Variants in GALNT14 observed in about 807,000 individuals in gnomAD.
The protein encoded by GALNT14 is polypeptide N-acetylgalactosaminyltransferase 14.
In GALNT14, 60 loss-of-function variants were observed where a neutral mutation model predicts 77.5. The ratio of observed to expected loss-of-function variants is 0.77; its 90% CI spans 0.63 to 0.96. The LOEUF is 0.96. Among genes scored for constraint, GALNT14 ranks in the 40% least tolerant of loss-of-function variants. GALNT14 has a pLI of 0.00. For synonymous variants in GALNT14, 280 were observed against 281.7 expected, an observed-to-expected ratio of 0.99 and a Z score of 0.06; for missense variants, 710 against 731.0, an observed-to-expected ratio of 0.97 and a Z score of 0.33.
At chr2:30,985,191 C>G (rs1175607074) in intron 2 of GALNT14, among the ~76,000 whole-genome samples, 1 of 152,040 alleles carries the variant, frequency 6.6e-6, no homozygotes, top group East Asian at 1.9e-4. Context: ...AATGCAAGGT[C>G]AACGTTAGCA....
intron 1 of GALNT14, among the ~76,000 whole-genome samples, chr2:31,075,917 C>T (rs907963613): frequency 6.6e-6 from 1 of 152,186 alleles, no homozygotes; most frequent in African/African-American, 2.4e-5. Flanking sequence ...AGTCCCAAGT[C>T]CCACAAGAGC....
chr2:31,138,393 T>TGCCTCCGCC lies in GALNT14; in HGVS notation c.-308_-307insGGCGGAGGC, dbSNP rs1553383844. ...ATGTTCCCCACGCCGCCACCGCGGC[T>TGCCTCCGCC]GCCGCCGCCGCCGCCGCCGCCTTGC... On this transcript the variant is annotated 5_prime_UTR_variant, in exon 1 of 15. Transcript: ENST00000349752. The TGCCTCCGCC allele has an allele frequency of 5.9e-6, 2 of 341,144 alleles. No individual in the cohort carries two copies. Among genetic ancestry groups the TGCCTCCGCC allele is most frequent in the Non-Finnish European group, 1.1e-5 (2 of 186,004 alleles). The allele number at this position is 341,144 out of a possible 1,614,324, so 21.1% of individuals were successfully genotyped here.
At position 31,008,190 on chromosome 2, in the gene GALNT14, T is replaced by C. The variant is rs1217493454; in HGVS notation, c.130-15183A>G. On this transcript the variant is annotated intron_variant, in intron 1 of 14. Coordinates refer to ENST00000349752, the MANE Select transcript of GALNT14 (RefSeq NM_024572.4). Reference sequence around the variant, plus strand: ...GCCACAAACTCCTGGGCTCAAACAATCCTCCCGACTCAGCCTCCTGAGTAG... The same window carrying C: ...GCCACAAACTCCTGGGCTCAAACAACCCTCCCGACTCAGCCTCCTGAGTAG... 4.6e-5 allele frequency among the ~76,000 whole-genome samples: 7 copies of C among 152,156 alleles called. No individual in the cohort carries two copies. In the South Asian group the frequency reaches 1.2e-3, roughly 27 times the overall value.
chr2:31,093,820 T>A (rs1195770303), intron 1 of GALNT14, among the ~76,000 whole-genome samples: 3 of 152,242 alleles, frequency 2.0e-5, no homozygotes, highest in Admixed American at 6.5e-5. Flanking sequence ...GAAAAACATT[T>A]GTGAGCATGG....
At chr2:30,916,918 T>C (rs112772912) in intron 13 of GALNT14, among the ~76,000 whole-genome samples, 5 of 151,078 alleles carry the variant, frequency 3.3e-5, no homozygotes, top group African/African-American at 1.2e-4. Context: ...CTCTACCAAA[T>C]ATACAAAAAT....
chr2:30,958,549 G>A, intron 3 of GALNT14, 85 bp from the exon 4 acceptor site: 3 of 1,009,420 alleles, frequency 3.0e-6, no homozygotes, highest in Non-Finnish European at 4.6e-6. Flanking sequence ...AGATACCATT[G>A]CATTTAAGGA....
intron 10 of GALNT14, among the ~76,000 whole-genome samples, chr2:30,931,320 T>G (rs1014520449): frequency 7.3e-5 from 11 of 151,436 alleles, no homozygotes; most frequent in African/African-American, 2.7e-4. Context: ...AGCTATCAGA[T>G]GACAAGAGAT....
downstream of GALNT14, among the ~76,000 whole-genome samples, chr2:30,905,492 G>A (rs562014790): frequency 3.9e-5 from 6 of 152,164 alleles, no homozygotes; most frequent in South Asian, 2.1e-4. Context: ...GAAATGAAGC[G>A]AGACGGCAAG....
chr2:31,117,825 C>G (rs1314552867), intron 1 of GALNT14, among the ~76,000 whole-genome samples: 1 of 152,142 alleles, frequency 6.6e-6, no homozygotes. Flanking sequence ...GTGTTCTGGA[C>G]AATAGGGAAG....
intron 2 of GALNT14, among the ~76,000 whole-genome samples, chr2:30,975,009 G>A (rs897115746): frequency 1.3e-5 from 2 of 152,186 alleles, no homozygotes; most frequent in African/African-American, 4.8e-5. Context: ...AGTAAAAGCT[G>A]AGCAAAGGCC....
intron 1 of GALNT14, among the ~76,000 whole-genome samples, chr2:31,130,727 G>A (rs920222886): frequency 3.8e-5 from 5 of 131,426 alleles, no homozygotes; most frequent in African/African-American, 1.5e-4. Context: ...AATTCCCCAG[G>A]GTACCTCTGT....
intron 1 of GALNT14, among the ~76,000 whole-genome samples, chr2:31,111,629 T>C (rs1385376790): frequency 2.0e-5 from 3 of 152,210 alleles, no homozygotes; most frequent in Non-Finnish European, 2.9e-5. Flanking sequence ...CCCACCCTTA[T>C]AGGGAGTCCT....
At chr2:30,995,178 T>TC (rs1669953903) in intron 1 of GALNT14, among the ~76,000 whole-genome samples, 212 of 104,550 alleles carry the variant, frequency 2.0e-3, no homozygotes, top group African/African-American at 7.5e-3. Context: ...GTGTGTGTGT[T>TC]CATGTGCATA....
At chr2:31,080,095 T>G (rs1676065213) in intron 1 of GALNT14, among the ~76,000 whole-genome samples, 1 of 152,178 alleles carries the variant, frequency 6.6e-6, no homozygotes, top group Non-Finnish European at 1.5e-5. Flanking sequence ...AATCAGAGCT[T>G]TGACCAAAAA....
At chr2:31,035,553 A>ATGTGTGTGTG (rs573163116) in intron 1 of GALNT14, among the ~76,000 whole-genome samples, 19,848 of 129,180 alleles carry the variant, frequency 0.15, 2,087 homozygotes, top group East Asian at 0.28. Context: ...GATAAAGAAA[A>ATGTGTGTGTG]TGTGTGTGTG....
Position 30,995,919 on chromosome 2 carries a change from G to A in GALNT14, c.130-2912C>T, listed in dbSNP as rs550790379. On this transcript the variant is annotated intron_variant, in intron 1 of 14. Transcript: ENST00000349752. ...GACAAGTCCCAGGATCTGTGGTGCT[G>A]GAGATCCAGCAAGAGCTGATGTTTC... is the stretch of plus-strand genomic sequence containing the variant. Among the ~76,000 whole-genome samples, 6 of 152,330 alleles carry A rather than the reference G, an allele frequency of 3.9e-5. No homozygotes were observed. In the South Asian group the frequency reaches 1.2e-3, roughly 32 times the overall value.
At chr2:31,041,754 G>T (rs1427344099) in intron 1 of GALNT14, among the ~76,000 whole-genome samples, 1 of 152,142 alleles carries the variant, frequency 6.6e-6, no homozygotes, top group East Asian at 1.9e-4. Flanking sequence ...TTGAAAAGAT[G>T]GAAAAGTAGT....
At chr2:30,945,916 C>A in intron 6 of GALNT14, 46 bp from the exon 7 acceptor site, 3 of 1,558,692 alleles carry the variant, frequency 1.9e-6, no homozygotes, top group Non-Finnish European at 2.7e-6. Flanking sequence ...AGGAGCCCAG[C>A]TGGGAGTCAG....
chr2:31,075,756 T>C (rs1675737253), intron 1 of GALNT14, among the ~76,000 whole-genome samples: 1 of 152,226 alleles, frequency 6.6e-6, no homozygotes, highest in Admixed American at 6.5e-5. Flanking sequence ...CTCAATAACA[T>C]GATTTCACTT....
Sources: allele counts gnomAD v4.1 joint callset (sites outside exome capture counted in the v4.1 genomes callset), GRCh38; gene constraint gnomAD v4.1.1; transcripts MANE v1.5; gene names NCBI Gene and HGNC (gene_info 2026-07-23, HGNC 2026-07-21).